PXK: variants seen among roughly 807,000 people sequenced by gnomAD.
PXK encodes PX domain containing serine/threonine kinase like.
A neutral mutation model predicts 84.7 loss-of-function variants in PXK; 35 were observed. That is an observed-to-expected ratio of 0.41 (90% CI 0.32 to 0.55). PXK has a LOEUF of 0.55. Ranked by LOEUF, PXK falls within the 20% of genes least tolerant of loss-of-function variation. PXK has a pLI of 0.21. For synonymous variants in PXK, 253 were observed against 260.8 expected, an observed-to-expected ratio of 0.97 and a Z score of 0.29; for missense variants, 634 against 699.7, an observed-to-expected ratio of 0.91 and a Z score of 1.06.
intron 1 of PXK, among the ~76,000 whole-genome samples, chr3:58,335,100 G>A (rs1288809344): frequency 3.3e-5 from 5 of 151,358 alleles, no homozygotes; most frequent in Non-Finnish European, 5.9e-5. Context: ...GGTCTGGAAC[G>A]CCTGGGCTCA....
At chr3:58,393,582 CTTAGT>C (rs1281928198) in intron 7 of PXK, among the ~76,000 whole-genome samples, 2 of 151,756 alleles carry the variant, frequency 1.3e-5, no homozygotes, top group East Asian at 3.9e-4. Context: ...TTGGCTATAC[CTTAGT>C]TTACTCAATC....
At chr3:58,420,909 ATG>A in intron 17 of PXK, 1 of 1,126,602 alleles carries the variant, frequency 8.9e-7, no homozygotes, top group Non-Finnish European at 1.1e-6. Flanking sequence ...TGCTGCAAAA[ATG>A]TTGATTCCTA....
Position 58,421,308 on chromosome 3 carries a change from G to A in PXK, c.1529-3444G>A, listed in dbSNP as rs1235052196. 6.1e-6 allele frequency: 6 copies of A among 985,188 alleles called. No homozygotes were observed. The highest frequency in any genetic ancestry group is 6.0e-6 in the Non-Finnish European group (5 of 829,758). The allele number at this position is 985,188 out of a possible 1,614,324, so 61.0% of individuals were successfully genotyped here. On this transcript the variant is annotated intron_variant, in intron 17 of 17. Coordinates refer to ENST00000356151, the MANE Select transcript of PXK (RefSeq NM_017771.5). The surrounding 1 kb of genome is among the most constrained non-coding windows in gnomAD (Gnocchi z 5.5). ...GAGTCGGTGGGGAAGGGAGCCAGGC[G>A]CAGTGGCTCACATCTATAATCTCAG...
chr3:58,388,426 C>A (rs539376404), intron 4 of PXK, among the ~76,000 whole-genome samples: 6 of 152,200 alleles, frequency 3.9e-5, no homozygotes, highest in Non-Finnish European at 8.8e-5. Context: ...TTTCATGCTC[C>A]TTCTCAAAGT....
intron 17 of PXK, chr3:58,422,350 T>G (rs1560159958): frequency 6.1e-6 from 6 of 985,242 alleles, no homozygotes; most frequent in Admixed American, 6.1e-5. Context: ...CCACCATGGT[T>G]GTTGTAGGCC....
At chr3:58,423,162 A>G (rs529793694) in intron 17 of PXK, 1 of 985,054 alleles carries the variant, frequency 1.0e-6, no homozygotes, top group Non-Finnish European at 1.2e-6. Context: ...GCTCTCCAGA[A>G]GTCCTCTTCA....
intron 1 of PXK, among the ~76,000 whole-genome samples, chr3:58,359,589 A>C (rs1186355292): frequency 1.3e-5 from 2 of 152,132 alleles, no homozygotes; most frequent in East Asian, 3.8e-4. Flanking sequence ...CGATGCGCAA[A>C]GTGATTTTTG....
At chr3:58,369,342 C>CA in intron 2 of PXK, 89 bp from the exon 3 acceptor site, 2 of 1,023,288 alleles carry the variant, frequency 2.0e-6, no homozygotes, top group Non-Finnish European at 2.9e-6. Context: ...TCTAGAGTGC[C>CA]AATATTACTA....
intron 3 of PXK, among the ~76,000 whole-genome samples, chr3:58,381,209 A>T (rs1050351133): frequency 7.0e-6 from 1 of 142,168 alleles, no homozygotes; most frequent in South Asian, 2.2e-4. Flanking sequence ...AGATCACGCC[A>T]CTGCACTCCA....
rs764625149 is a variant in PXK at position 58,403,928 on chromosome 3, G to GT, written c.1230+24dup. On this transcript the variant is annotated intron_variant, in intron 13 of 17. Transcript: ENST00000356151. The stretch of plus-strand genomic sequence containing the variant: ...AGTTTAAGGTAAAGACAATTATATC[G>GT]TTTTTTGGTTTGTGACATAACTAAG... 1.4e-6 allele frequency: 2 copies of GT among 1,463,886 alleles called. No homozygotes were observed. Among genetic ancestry groups the GT allele is most frequent in the Admixed American group, 2.0e-5 (1 of 51,222 alleles). 90.7% of individuals were successfully genotyped at this position (1,463,886 alleles called of 1,614,324 possible).
At position 58,423,509 on chromosome 3, in the gene PXK, A is replaced by G. The variant is rs1298550298; in HGVS notation, c.1529-1243A>G. On this transcript the variant is annotated intron_variant, in intron 17 of 17. Transcript: ENST00000356151. ...TGTAAAGAAAGGTAAGTGATTTTCT[A>G]TTGTAAGACTTTAACCCATACCTGT... The G allele has an allele frequency of 1.0e-5, 16 of 1,535,514 alleles. No homozygotes were observed. In the Admixed American group the frequency reaches 1.2e-4, roughly 11 times the overall value.
At chr3:58,382,164 A>T (rs1252037832) in intron 3 of PXK, among the ~76,000 whole-genome samples, 1 of 152,056 alleles carries the variant, frequency 6.6e-6, no homozygotes, top group Non-Finnish European at 1.5e-5. Context: ...AAAAATACAA[A>T]AATTAGCTGG....
intron 2 of PXK, among the ~76,000 whole-genome samples, chr3:58,367,028 A>G (rs1270025575): frequency 1.3e-5 from 2 of 152,196 alleles, no homozygotes; most frequent in Non-Finnish European, 2.9e-5. Context: ...CCCTTGGTGC[A>G]GTTTTCTAGA....
intron 1 of PXK, among the ~76,000 whole-genome samples, chr3:58,358,480 G>A (rs966663573): frequency 6.6e-6 from 1 of 152,120 alleles, no homozygotes; most frequent in Non-Finnish European, 1.5e-5. Flanking sequence ...GATAGCAGTG[G>A]GCCACGGTCC....
chr3:58,353,289 G>T (rs2097980105), intron 1 of PXK, among the ~76,000 whole-genome samples: 1 of 152,104 alleles, frequency 6.6e-6, no homozygotes, highest in African/African-American at 2.4e-5. Context: ...GAGCCACTGT[G>T]CCCGGTCTCT....
chr3:58,412,933 C>T lies in PXK; in HGVS notation c.1498C>T (p.Pro500Ser), dbSNP rs1229150495. 2 of 1,614,062 alleles carry T rather than the reference C, an allele frequency of 1.2e-6. No homozygotes were observed. The highest frequency in any genetic ancestry group is 2.7e-5 in the African/African-American group (2 of 74,906). Residue 500 changes from proline (P) to serine (S), a missense_variant, in exon 17 of 18, where the codon CCG becomes TCG. Physicochemically the swap from Pro to Ser is moderately conservative, Grantham distance 74. Around this residue, in one of 3 missense-constraint regions of PXK, gnomAD observed 273 missense variants for 283.6 expected, o/e 0.96. Coordinates refer to ENST00000356151, the MANE Select transcript of PXK (RefSeq NM_017771.5). The surrounding 1 kb of genome is among the most constrained non-coding windows in gnomAD (Gnocchi z 6.2). ...GSGASSPLTS[P>S]SSPTPPSTSG... The stretch of plus-strand genomic sequence containing the variant: ...TGGGGCCAGCTCACCTCTCACGTCC[C>T]CGTCATCGCCAACTCCACCCTCTAC...
At chr3:58,365,785 C>G in intron 1 of PXK, 89 bp from the exon 2 acceptor site, 1 of 1,094,000 alleles carries the variant, frequency 9.1e-7, no homozygotes, top group Non-Finnish European at 1.3e-6. Context: ...TCTACTTTAT[C>G]TGATTTTTTA....
chr3:58,386,781 C>T (rs56028017), intron 4 of PXK, among the ~76,000 whole-genome samples: 44,562 of 152,026 alleles, frequency 0.29, 7,323 homozygotes, highest in Middle Eastern at 0.39. Context: ...AGCAGCATTT[C>T]CTCTCAGTGG....
At chr3:58,418,101 G>T (rs948748588) in intron 17 of PXK, among the ~76,000 whole-genome samples, 1 of 152,200 alleles carries the variant, frequency 6.6e-6, no homozygotes, top group Non-Finnish European at 1.5e-5. Context: ...TTACAGGCAT[G>T]AGCCACCCAC....
Sources: allele counts gnomAD v4.1 joint callset (sites outside exome capture counted in the v4.1 genomes callset), GRCh38; gene constraint gnomAD v4.1.1; regional missense constraint gnomAD v4.1.1; non-coding constraint Gnocchi (gnomAD v3.1); transcripts MANE v1.5; gene names NCBI Gene and HGNC (gene_info 2026-07-23, HGNC 2026-07-21).